SLC25A26: variants seen among roughly 807,000 people sequenced by gnomAD.
SLC25A26 encodes mitochondrial S-adenosylmethionine carrier protein.
Under a neutral mutation model 37.8 loss-of-function variants are expected in SLC25A26, and 36 were observed. That is an observed-to-expected ratio of 0.95 (90% CI 0.73 to 1.26). The LOEUF (loss-of-function observed/expected upper bound fraction) is 1.26. Ranked by LOEUF, SLC25A26 falls within the 50% of genes most tolerant of loss-of-function variation. The pLI is 0.00. For missense variants in SLC25A26, 390 were observed against 331.1 expected, an observed-to-expected ratio of 1.18 and a Z score of -1.38; for synonymous variants, 129 against 122.5, an observed-to-expected ratio of 1.05 and a Z score of -0.35.
At chr3:66,237,935 C>G (rs2072375145) in intron 2 of SLC25A26, among the ~76,000 whole-genome samples, 1 of 152,176 alleles carries the variant, frequency 6.6e-6, no homozygotes, top group Non-Finnish European at 1.5e-5. Context: ...GTTTGTAGTG[C>G]AAAGAGAAAA....
intron 5 of SLC25A26, among the ~76,000 whole-genome samples, chr3:66,309,092 A>T (rs372746652): frequency 1.3e-5 from 2 of 152,148 alleles, no homozygotes; most frequent in African/African-American, 4.8e-5. Flanking sequence ...GTTGTTTGGA[A>T]TAGTTTCAGA....
intron 3 of SLC25A26, among the ~76,000 whole-genome samples, chr3:66,250,395 C>T (rs2073035101): frequency 6.6e-6 from 1 of 152,166 alleles, no homozygotes; most frequent in Non-Finnish European, 1.5e-5. Flanking sequence ...ATAGACGGTC[C>T]GTGACTTACG....
chr3:66,377,877 C>A lies in SLC25A26; in HGVS notation c.*70C>A. On this transcript the variant is annotated 3_prime_UTR_variant, in exon 10 of 10. Coordinates refer to ENST00000354883, the MANE Select transcript of SLC25A26 (RefSeq NM_001379210.1). Reference sequence around the variant, plus strand: ...GCAGTGCAAACCCTCTTCCGCTGAGCAGCTGTCTGAACTATAGGCCCCAGT... The same window carrying A: ...GCAGTGCAAACCCTCTTCCGCTGAGAAGCTGTCTGAACTATAGGCCCCAGT... The A allele has an allele frequency of 8.4e-7, 1 of 1,194,994 alleles. No homozygotes were observed. The highest frequency in any genetic ancestry group is 1.2e-6 in the Non-Finnish European group (1 of 804,420). The allele number at this position is 1,194,994 out of a possible 1,614,324, so 74.0% of individuals were successfully genotyped here.
intron 1 of SLC25A26, among the ~76,000 whole-genome samples, chr3:66,199,357 C>G (rs2071082625): frequency 6.6e-6 from 1 of 151,948 alleles, no homozygotes. Flanking sequence ...TCACCCCTAC[C>G]CTTCCCTGAA....
chr3:66,140,028 C>T (rs1422245198), intron 1 of SLC25A26, among the ~76,000 whole-genome samples: 1 of 152,190 alleles, frequency 6.6e-6, no homozygotes, highest in African/African-American at 2.4e-5. Context: ...TACTAACTTA[C>T]TGGCTCATGG....
chr3:66,282,880 G>A (rs115208670), intron 5 of SLC25A26, among the ~76,000 whole-genome samples: 418 of 152,228 alleles, frequency 2.7e-3, no homozygotes, highest in South Asian at 0.011. Context: ...CAACTTTAGC[G>A]ATCTGTTCTC....
In SLC25A26 at chr3:66,319,270, C is replaced by G. The variant is rs73833462; in HGVS notation, c.454-27094C>G. Among the ~76,000 whole-genome samples the G allele has an allele frequency of 4.5e-3, 681 of 151,622 alleles. 9 individuals are homozygous for G. Among genetic ancestry groups the G allele is most frequent in the African/African-American group, 0.015 (639 of 41,358 alleles). ...ATTGTTTTTTTTTCTGTCTTTTTAA[C>G]GTACCCAAAGTATTGAAAGTCGAGG... On this transcript the variant is annotated intron_variant, in intron 5 of 9. Transcript: ENST00000354883.
chr3:66,323,184 G>C (rs1332377128), intron 5 of SLC25A26, among the ~76,000 whole-genome samples: 3 of 152,048 alleles, frequency 2.0e-5, no homozygotes. Flanking sequence ...AGATTGGGTG[G>C]GGCAATGGAA....
intron 5 of SLC25A26, among the ~76,000 whole-genome samples, chr3:66,293,908 A>G (rs1457741509): frequency 6.6e-6 from 1 of 152,112 alleles, no homozygotes; most frequent in Admixed American, 6.6e-5. Flanking sequence ...ATACTCAGTA[A>G]TGGAGTTGTA....
intron 5 of SLC25A26, among the ~76,000 whole-genome samples, chr3:66,298,460 T>G (rs1020407686): frequency 2.0e-5 from 3 of 152,360 alleles, no homozygotes; most frequent in Non-Finnish European, 4.4e-5. Context: ...TTGTGGGGTT[T>G]TCTTTTTTTG....
chr3:66,148,183 T>C (rs1482886636), intron 1 of SLC25A26, among the ~76,000 whole-genome samples: 10 of 152,270 alleles, frequency 6.6e-5, no homozygotes, highest in Admixed American at 6.5e-4. Context: ...TCTTCATTTG[T>C]ATATCTTCTT....
intron 1 of SLC25A26, among the ~76,000 whole-genome samples, chr3:66,209,282 A>G (rs2071238866): frequency 7.1e-6 from 1 of 140,224 alleles, no homozygotes; most frequent in African/African-American, 2.5e-5. Flanking sequence ...ATGTATGTAT[A>G]TATAATATAT....
chr3:66,290,394 G>T (rs1576805083), intron 5 of SLC25A26, among the ~76,000 whole-genome samples: 1 of 152,138 alleles, frequency 6.6e-6, no homozygotes, highest in African/African-American at 2.4e-5. Flanking sequence ...TCTTATGTCA[G>T]TTTTCAAAGG....
At chr3:66,184,711 C>A (rs1262973919) in intron 1 of SLC25A26, among the ~76,000 whole-genome samples, 1 of 75,908 alleles carries the variant, frequency 1.3e-5, no homozygotes, top group African/African-American at 6.0e-5. Context: ...TTGCTCTCAT[C>A]TTGTGTCCAT....
chr3:66,164,407 T>C (rs1247655373), intron 1 of SLC25A26, among the ~76,000 whole-genome samples: 2 of 152,080 alleles, frequency 1.3e-5, no homozygotes, highest in South Asian at 2.1e-4. Context: ...CAAAGCAGGA[T>C]GGATGAAAGG....
At chr3:66,331,172 G>A (rs1407893888) in intron 5 of SLC25A26, among the ~76,000 whole-genome samples, 1 of 152,022 alleles carries the variant, frequency 6.6e-6, no homozygotes. Context: ...TTGTATGAGA[G>A]TAAGAAAAGT....
chr3:66,188,746 C>A (rs1392902933), intron 1 of SLC25A26, among the ~76,000 whole-genome samples: 2 of 152,062 alleles, frequency 1.3e-5, no homozygotes, highest in Non-Finnish European at 2.9e-5. Flanking sequence ...AGACACTGAC[C>A]TGGTACTTAG....
chr3:66,340,664 T>C (rs2076189175), intron 5 of SLC25A26, among the ~76,000 whole-genome samples: 1 of 152,074 alleles, frequency 6.6e-6, no homozygotes, highest in Non-Finnish European at 1.5e-5. Context: ...ATTGAAAATA[T>C]TGTTTATGAA....
chr3:66,274,057 G>A (rs562319416), intron 5 of SLC25A26, among the ~76,000 whole-genome samples: 1 of 152,248 alleles, frequency 6.6e-6, no homozygotes, highest in East Asian at 1.9e-4. Context: ...CAGAGATATA[G>A]ATCAGTGGAA....
Sources: gnomAD v4.1 joint callset for allele counts (sites outside exome capture counted in the v4.1 genomes callset) on GRCh38, gnomAD v4.1.1 for gene constraint, MANE v1.5 for transcripts, NCBI Gene and HGNC (gene_info 2026-07-23, HGNC 2026-07-21) for gene names.